N4BP2: variants seen among roughly 807,000 people sequenced by gnomAD.
N4BP2 encodes the protein NEDD4 binding protein 2, also known as NEDD4-binding protein 2.
In N4BP2, 91 loss-of-function variants were observed where a neutral mutation model predicts 152.8. The observed-to-expected ratio is 0.60, with a 90% CI of 0.50 to 0.71. The LOEUF (loss-of-function observed/expected upper bound fraction) is 0.71, where lower values mean the gene tolerates loss of function less well. Ranked by LOEUF, N4BP2 falls within the 30% of genes least tolerant of loss-of-function variation. The probability of loss-of-function intolerance (pLI) is 0.00; values close to 1 mark genes in which losing one functional copy is unlikely to be tolerated. For synonymous variants in N4BP2, 646 were observed against 705.3 expected (o/e 0.92, Z 1.33); for missense variants, 1,923 against 2,059.1 (o/e 0.93, Z 1.28).
At chr4:40,152,969 T>A in intron 17 of N4BP2, 66 bp downstream of exon 17, 1 of 1,528,872 alleles carries the variant, frequency 6.5e-7, no homozygotes, top group South Asian at 1.2e-5. Flanking sequence ...GATATTTCTG[T>A]GAGTATAGAT....
At chr4:40,184,694 G>A in the N4BP2 span, among the ~76,000 whole-genome samples, 514 of 152,210 alleles carry the variant, frequency 3.4e-3, 6 homozygotes, top group African/African-American at 0.012. Flanking sequence ...GGTGGCTCAT[G>A]CCTGTAATCC....
At chr4:40,177,631 T>C in the N4BP2 span, among the ~76,000 whole-genome samples, 16 of 151,322 alleles carry the variant, frequency 1.1e-4, 1 homozygote, top group Admixed American at 1.3e-4. Context: ...ATAAAATAAA[T>C]AAGAAGAAAA....
intron 2 of N4BP2, among the ~76,000 whole-genome samples, chr4:40,092,645 CTTT>C (rs34819122): frequency 1.8e-4 from 22 of 120,438 alleles, no homozygotes; most frequent in Admixed American, 2.6e-4. Context: ...TTATTATTTC[CTTT>C]TTTTTTTTTT....
At chr4:40,139,491 CTTT>C (rs1226118008) in intron 14 of N4BP2, among the ~76,000 whole-genome samples, 1 of 125,778 alleles carries the variant, frequency 8.0e-6, no homozygotes, top group Non-Finnish European at 1.7e-5. Flanking sequence ...CAGCATTAGG[CTTT>C]TTTTTTTTTT....
intron 12 of N4BP2, among the ~76,000 whole-genome samples, chr4:40,131,566 G>A (rs1172302211): frequency 2.7e-5 from 4 of 150,364 alleles, no homozygotes; most frequent in Non-Finnish European, 5.9e-5. Context: ...GTATACATGT[G>A]ATTGTGTGTG....
intron 16 of N4BP2, among the ~76,000 whole-genome samples, chr4:40,148,995 G>A (rs1263460338): frequency 6.6e-6 from 1 of 152,228 alleles, no homozygotes; most frequent in Non-Finnish European, 1.5e-5. Flanking sequence ...TGTTAAGGAT[G>A]TGGATAAATT....
rs376657571 is a variant in N4BP2 at position 40,125,526 on chromosome 4, C to T, written c.4331-608C>T. ...CCTCTATTTACCAGTGTCCTGTATACATGTCACTATGTTTTGGGTTGATAT... is the reference window on the plus strand; with the variant it reads ...CCTCTATTTACCAGTGTCCTGTATATATGTCACTATGTTTTGGGTTGATAT... On this transcript the variant is annotated intron_variant, in intron 11 of 17. Transcript: ENST00000261435. Among the ~76,000 whole-genome samples the T allele has an allele frequency of 1.4e-4, 22 of 152,292 alleles. No individual in the cohort carries two copies. The South Asian group carries it at 2.7e-3, about 19-fold the overall frequency.
intron 2 of N4BP2, among the ~76,000 whole-genome samples, chr4:40,092,874 C>T (rs905469743): frequency 4.0e-5 from 6 of 151,664 alleles, no homozygotes; most frequent in Admixed American, 1.3e-4. Context: ...GAACTCCTGA[C>T]CTCAGGTGAT....
intron 8 of N4BP2, among the ~76,000 whole-genome samples, chr4:40,119,171 T>A (rs1373825922): frequency 1.3e-5 from 2 of 152,152 alleles, no homozygotes; most frequent in African/African-American, 4.8e-5. Flanking sequence ...CTCATAAAAA[T>A]CTTATAAGGA....
At chr4:40,140,819 T>A (rs1338283240) in intron 14 of N4BP2, among the ~76,000 whole-genome samples, 1 of 151,650 alleles carries the variant, frequency 6.6e-6, no homozygotes. Context: ...TTCAAGCATC[T>A]GTTTAACAAA....
the N4BP2 span, among the ~76,000 whole-genome samples, chr4:40,184,239 G>A: frequency 6.6e-6 from 1 of 152,278 alleles, no homozygotes; most frequent in Non-Finnish European, 1.5e-5. Flanking sequence ...ATGGTTTTCA[G>A]ATTAAGTTCT....
chr4:40,119,170 A>T (rs2055821), intron 8 of N4BP2, among the ~76,000 whole-genome samples: 26,885 of 152,204 alleles, frequency 0.18, 3,088 homozygotes, highest in Admixed American at 0.26. Flanking sequence ...GCTCATAAAA[A>T]TCTTATAAGG....
intron 9 of N4BP2, 68 bp downstream of exon 9, chr4:40,122,377 AT>A (rs897391963): frequency 0.068 from 56,835 of 835,530 alleles, 15 homozygotes; most frequent in East Asian, 0.13. Context: ...TCTATTTTGT[AT>A]TTTTTTTTTT....
At position 40,144,619 on chromosome 4, in the gene N4BP2, G is replaced by T. The variant is rs199964037; in HGVS notation, c.4975-13G>T. 2.9e-4 allele frequency: 457 copies of T among 1,597,034 alleles called. 3 individuals are homozygous for T. In the African/African-American group the frequency reaches 5.7e-3, roughly 20 times the overall value. On this transcript the variant is annotated splice_polypyrimidine_tract_variant and intron_variant, in intron 15 of 17. Coordinates refer to ENST00000261435, the MANE Select transcript of N4BP2 (RefSeq NM_018177.6). ...CAGCAAAACTGTCCCTTGGTGATAT[G>T]TTTATGATTTAGGGTACTCTTCATG...
intron 2 of N4BP2, among the ~76,000 whole-genome samples, chr4:40,083,796 G>A (rs1713643919): frequency 6.6e-6 from 1 of 152,110 alleles, no homozygotes. Flanking sequence ...CCACTGAATT[G>A]TACACTTTTG....
intron 7 of N4BP2, 123 bp from the exon 8 acceptor site, chr4:40,117,746 T>C (rs1286543009): frequency 1.4e-6 from 1 of 730,152 alleles, no homozygotes; most frequent in Non-Finnish European, 2.1e-6. Context: ...GTGGTCACAA[T>C]AAAGCAGCTT....
At chr4:40,124,716 T>C (rs1718237797) in intron 11 of N4BP2, among the ~76,000 whole-genome samples, 1 of 152,164 alleles carries the variant, frequency 6.6e-6, no homozygotes, top group Non-Finnish European at 1.5e-5. Flanking sequence ...AAAAAGCCCC[T>C]ATAATGTATA....
intron 7 of N4BP2, among the ~76,000 whole-genome samples, chr4:40,116,091 T>G (rs1717313034): frequency 6.6e-6 from 1 of 152,194 alleles, no homozygotes; most frequent in Admixed American, 6.5e-5. Flanking sequence ...AAGTGTAATT[T>G]GTCTAATATT....
At chr4:40,170,500 T>C in the N4BP2 span, among the ~76,000 whole-genome samples, 1 of 152,112 alleles carries the variant, frequency 6.6e-6, no homozygotes, top group Admixed American at 6.5e-5. Context: ...GTGCCTTTAG[T>C]CCCATGCGCC....
Sources: gnomAD v4.1 joint callset for allele counts (sites outside exome capture counted in the v4.1 genomes callset) on GRCh38, gnomAD v4.1.1 for gene constraint, MANE v1.5 for transcripts, NCBI Gene and HGNC (gene_info 2026-07-23, HGNC 2026-07-21) for gene names.